PRKCE: variants seen among roughly 807,000 people sequenced by gnomAD.
PRKCE encodes protein kinase C epsilon, also known as protein kinase C epsilon type.
PRKCE carries 16 observed loss-of-function variants against 85.4 expected under a neutral mutation model. The observed-to-expected ratio is 0.19, with a 90% confidence interval of 0.13 to 0.28. The LOEUF (loss-of-function observed/expected upper bound fraction) is 0.28. Among genes scored for constraint, PRKCE ranks in the 10% least tolerant of loss-of-function variants. The pLI is 1.00. For missense variants in PRKCE, 573 were observed against 975.2 expected, an observed-to-expected ratio of 0.59 and a Z score of 5.49; for synonymous variants, 388 against 371.5, an observed-to-expected ratio of 1.04 and a Z score of -0.51.
At chr2:45,735,553 G>T (rs1346302836) in intron 1 of PRKCE, among the ~76,000 whole-genome samples, 1 of 152,208 alleles carries the variant, frequency 6.6e-6, no homozygotes, top group African/African-American at 2.4e-5. Context: ...GCATTGTTTT[G>T]CAGATTAAGT....
intron 1 of PRKCE, among the ~76,000 whole-genome samples, chr2:45,741,105 G>T (rs919566492): frequency 6.6e-6 from 1 of 152,192 alleles, no homozygotes; most frequent in African/African-American, 2.4e-5. Context: ...TAGTGGAATT[G>T]ATACATTTGA....
chr2:46,044,090 A>G lies in PRKCE; in HGVS notation c.1437+33573A>G, dbSNP rs112178838. ...ACATTTCTAATCCTGGTCACCAACT[A>G]TGCAAATTCAATTCAATTCTGTATT... is the stretch of plus-strand genomic sequence containing the variant. On this transcript the variant is annotated intron_variant, in intron 10 of 14. Transcript: ENST00000306156. 3.1e-3 allele frequency among the ~76,000 whole-genome samples: 472 copies of G among 152,336 alleles called. 4 individuals carry two copies. The highest frequency in any genetic ancestry group is 0.011 in the African/African-American group (465 of 41,570).
chr2:46,134,173 T>A (rs1674731365), intron 11 of PRKCE, among the ~76,000 whole-genome samples: 1 of 152,252 alleles, frequency 6.6e-6, no homozygotes, highest in Non-Finnish European at 1.5e-5. Flanking sequence ...ATCTGTGAAT[T>A]CACTTTTCTG....
At chr2:45,842,863 A>G (rs1691471460) in intron 1 of PRKCE, 137 bp from the exon 2 acceptor site, 2 of 788,094 alleles carry the variant, frequency 2.5e-6, no homozygotes, top group Non-Finnish European at 2.2e-6. Flanking sequence ...CTCACCTAGC[A>G]CTCAACACAT....
intron 14 of PRKCE, among the ~76,000 whole-genome samples, chr2:46,178,037 G>A (rs886211934): frequency 6.6e-6 from 1 of 152,136 alleles, no homozygotes; most frequent in African/African-American, 2.4e-5. Flanking sequence ...AGGCAGGTGG[G>A]TCACCAGAGG....
At chr2:46,014,646 T>G (rs923128298) in intron 10 of PRKCE, among the ~76,000 whole-genome samples, 4 of 152,254 alleles carry the variant, frequency 2.6e-5, no homozygotes, top group African/African-American at 9.6e-5. Context: ...AAGTCTTTAT[T>G]GTTAAGCATC....
chr2:46,129,218 G>A (rs1488772499), intron 11 of PRKCE, among the ~76,000 whole-genome samples: 3 of 152,190 alleles, frequency 2.0e-5, no homozygotes, highest in African/African-American at 7.2e-5. Context: ...CACCGTCAGT[G>A]AGCACAGGGT....
chr2:45,804,590 G>T (rs1688106331), intron 1 of PRKCE, among the ~76,000 whole-genome samples: 1 of 152,176 alleles, frequency 6.6e-6, no homozygotes, highest in South Asian at 2.1e-4. Flanking sequence ...GTTCTAGAAA[G>T]CACTCTGCTG....
At chr2:45,945,127 A>C (rs1039010521) in intron 2 of PRKCE, among the ~76,000 whole-genome samples, 1 of 152,334 alleles carries the variant, frequency 6.6e-6, no homozygotes, top group African/African-American at 2.4e-5. Flanking sequence ...TGAGGATTTC[A>C]GTTTCAGAGG....
At chr2:45,813,278 C>T (rs902133544) in intron 1 of PRKCE, among the ~76,000 whole-genome samples, 1 of 152,162 alleles carries the variant, frequency 6.6e-6, no homozygotes, top group Non-Finnish European at 1.5e-5. Context: ...CTGCGGGGAC[C>T]TTGTTGGCCA....
intron 11 of PRKCE, among the ~76,000 whole-genome samples, chr2:46,112,691 TG>T (rs1271736177): frequency 6.6e-6 from 1 of 152,102 alleles, no homozygotes; most frequent in East Asian, 1.9e-4. Flanking sequence ...GGCTAATTTT[TG>T]TATTTTTAGT....
intron 6 of PRKCE, among the ~76,000 whole-genome samples, chr2:45,991,084 G>A (rs991557251): frequency 6.6e-5 from 10 of 151,190 alleles, no homozygotes; most frequent in Admixed American, 4.6e-4. Context: ...TCAGCTCACT[G>A]CAACCTCTGC....
intron 11 of PRKCE, among the ~76,000 whole-genome samples, chr2:46,129,435 T>C (rs918962631): frequency 6.6e-6 from 1 of 152,144 alleles, no homozygotes; most frequent in Non-Finnish European, 1.5e-5. Flanking sequence ...TTATTTTTTT[T>C]ATATGTGTTG....
At chr2:46,123,749 G>A (rs1046107452) in intron 11 of PRKCE, among the ~76,000 whole-genome samples, 3 of 152,152 alleles carry the variant, frequency 2.0e-5, no homozygotes, top group South Asian at 4.1e-4. Context: ...GCCTCCCAAA[G>A]TGCTGGGATT....
intron 5 of PRKCE, 79 bp from the exon 6 acceptor site, chr2:45,984,472 T>C (rs1351726696): frequency 2.6e-6 from 4 of 1,550,932 alleles, no homozygotes; most frequent in Non-Finnish European, 3.5e-6. Flanking sequence ...TTGGAAAAAG[T>C]TCTTTGAGAG....
chr2:45,967,862 G>C (rs566977052), intron 2 of PRKCE, among the ~76,000 whole-genome samples: 1 of 152,214 alleles, frequency 6.6e-6, no homozygotes, highest in African/African-American at 2.4e-5. Flanking sequence ...GGCAGGTTTT[G>C]GGAAAGGACA....
chr2:46,167,202 T>G (rs867715810), intron 14 of PRKCE, among the ~76,000 whole-genome samples: 5 of 152,140 alleles, frequency 3.3e-5, no homozygotes, highest in South Asian at 2.1e-4. Context: ...TGCAACCAGG[T>G]TCTAATTTGG....
intron 11 of PRKCE, among the ~76,000 whole-genome samples, chr2:46,101,103 G>A (rs1239910502): frequency 4.6e-5 from 7 of 152,196 alleles, no homozygotes; most frequent in Admixed American, 2.6e-4. Flanking sequence ...TCCTGACCTC[G>A]AGTGATCTGT....
chr2:45,761,178 T>G (rs1473141086), intron 1 of PRKCE, among the ~76,000 whole-genome samples: 1 of 151,668 alleles, frequency 6.6e-6, no homozygotes, highest in African/African-American at 2.4e-5. Flanking sequence ...ATACAAAAAA[T>G]TAGCCGAGTG....
Sources: allele counts gnomAD v4.1 joint callset (sites outside exome capture counted in the v4.1 genomes callset), GRCh38; gene constraint gnomAD v4.1.1; transcripts MANE v1.5; gene names NCBI Gene and HGNC (gene_info 2026-07-23, HGNC 2026-07-21).